SNX29: variants seen among roughly 807,000 people sequenced by gnomAD.
SNX29 encodes sorting nexin-29.
Under a neutral mutation model 102.1 loss-of-function variants are expected in SNX29, and 78 were observed. That is an observed-to-expected ratio of 0.76 (90% CI 0.64 to 0.92). The LOEUF is 0.92. Ranked by LOEUF, SNX29 falls within the 40% of genes least tolerant of loss-of-function variation. The pLI, the probability that SNX29 is intolerant of heterozygous loss-of-function variation, is 0.00. For synonymous variants in SNX29, 580 were observed against 414.5 expected (o/e 1.40, Z -4.85); for missense variants, 1,280 against 1,061.7 (o/e 1.21, Z -2.86).
chr16:12,295,958 T>C (rs901870554), intron 15 of SNX29, among the ~76,000 whole-genome samples: 4 of 152,244 alleles, frequency 2.6e-5, no homozygotes, highest in African/African-American at 7.2e-5. Flanking sequence ...AAACAGTTCT[T>C]CTCCTCAAAA....
At position 12,299,956 on chromosome 16, in the gene SNX29, C is replaced by T. The variant is rs139378930; in HGVS notation, c.1782+21920C>T. Among the ~76,000 whole-genome samples, 625 of 152,172 alleles carry T rather than the reference C, an allele frequency of 4.1e-3. 4 individuals are homozygous for T. Among genetic ancestry groups the T allele is most frequent in the African/African-American group, 0.014 (592 of 41,518 alleles). ...CGCAATCTTGGCTCACTGCAACCTC[C>T]ACCTCCCTGGTTCAAGCGATTCTCC... On this transcript the variant is annotated intron_variant, in intron 15 of 20. Transcript: ENST00000566228.
In SNX29 at chr16:12,127,576, C is replaced by A. The variant is rs550438035; in HGVS notation, c.1466+880C>A. ...GGCTGAGACTACAGGCGCATGCCAC[C>A]ATGCCCGGCTAATTTTGGTATTTTT... On this transcript the variant is annotated intron_variant, in intron 12 of 20. Coordinates refer to ENST00000566228, the MANE Select transcript of SNX29 (RefSeq NM_032167.5). Among the ~76,000 whole-genome samples, 9 of 152,188 alleles carry A rather than the reference C, an allele frequency of 5.9e-5. No individual in the cohort carries two copies. The East Asian group carries it at 1.8e-3, about 30-fold the overall frequency.
chr16:12,318,759 C>T lies in SNX29; in HGVS notation c.1783-37404C>T, dbSNP rs77333266. ...GAAGGCTTAGAAATTATCTGCAGAC[C>T]AACTCAAAATTACAAAGTTTCCCGG... On this transcript the variant is annotated intron_variant, in intron 15 of 20. Coordinates refer to ENST00000566228, the MANE Select transcript of SNX29 (RefSeq NM_032167.5). Among the ~76,000 whole-genome samples the T allele has an allele frequency of 4.2e-4, 64 of 151,994 alleles. 1 individual carries two copies. The East Asian group carries it at 0.012, about 29-fold the overall frequency.
chr16:12,492,046 G>C (rs2088576870), intron 19 of SNX29, among the ~76,000 whole-genome samples: 1 of 152,230 alleles, frequency 6.6e-6, no homozygotes, highest in South Asian at 2.1e-4. Context: ...TATATACCCA[G>C]TAATGGGATG....
At chr16:12,538,610 G>C (rs1432808050) in intron 20 of SNX29, among the ~76,000 whole-genome samples, 2 of 152,142 alleles carry the variant, frequency 1.3e-5, no homozygotes, top group East Asian at 3.9e-4. Flanking sequence ...GTGGATGCAG[G>C]AGGGCCTTGA....
intron 11 of SNX29, 37 bp from the exon 12 acceptor site, chr16:12,126,596 C>T: frequency 6.2e-7 from 1 of 1,609,290 alleles, no homozygotes; most frequent in East Asian, 2.2e-5. Flanking sequence ...ACAGGCAAGA[C>T]CTGCCAATTA....
chr16:11,986,866 A>C (rs371008817), intron 1 of SNX29, among the ~76,000 whole-genome samples: 1 of 152,204 alleles, frequency 6.6e-6, no homozygotes, highest in Non-Finnish European at 1.5e-5. Flanking sequence ...CTGTGTTCCA[A>C]TAAAACTTTA....
intron 4 of SNX29, among the ~76,000 whole-genome samples, chr16:12,036,429 G>C (rs1211747073): frequency 6.7e-6 from 1 of 150,248 alleles, no homozygotes; most frequent in Non-Finnish European, 1.5e-5. Context: ...CCGCCTCCCG[G>C]ATTCACGCCA....
intron 19 of SNX29, among the ~76,000 whole-genome samples, chr16:12,509,822 C>G (rs1455253441): frequency 1.3e-5 from 2 of 152,224 alleles, no homozygotes; most frequent in Non-Finnish European, 2.9e-5. Context: ...ATGCCGTTCC[C>G]AGCTCCTGGC....
In SNX29 at chr16:12,286,610, G is replaced by A. The variant is rs147127349; in HGVS notation, c.1782+8574G>A. ...TCCACCCGCCTTGGCCTCCCAAAGTGCTGGGATTACAGGTGTGAGCCACTG... is the reference window on the plus strand; with the variant it reads ...TCCACCCGCCTTGGCCTCCCAAAGTACTGGGATTACAGGTGTGAGCCACTG... On this transcript the variant is annotated intron_variant, in intron 15 of 20. Transcript: ENST00000566228. 2.6e-3 allele frequency among the ~76,000 whole-genome samples: 401 copies of A among 152,256 alleles called. 2 individuals are homozygous for A. The highest frequency in any genetic ancestry group is 8.8e-3 in the African/African-American group (367 of 41,560).
chr16:12,242,506 T>C (rs970883256), intron 14 of SNX29, among the ~76,000 whole-genome samples: 18 of 151,682 alleles, frequency 1.2e-4, no homozygotes, highest in Admixed American at 9.2e-4. Flanking sequence ...ATTAGTCGGC[T>C]AAGTTTCCTA....
intron 19 of SNX29, among the ~76,000 whole-genome samples, chr16:12,496,609 C>T (rs1333951591): frequency 6.7e-6 from 1 of 148,958 alleles, no homozygotes; most frequent in Non-Finnish European, 1.5e-5. Flanking sequence ...CTCCTGGGTT[C>T]AAACAGTTCT....
At chr16:12,325,033 A>C (rs530673389) in intron 15 of SNX29, among the ~76,000 whole-genome samples, 12 of 152,302 alleles carry the variant, frequency 7.9e-5, no homozygotes, top group African/African-American at 2.6e-4. Context: ...AATCTTGTAG[A>C]ACGACAGCCT....
intron 9 of SNX29, among the ~76,000 whole-genome samples, chr16:12,064,208 C>A (rs912795746): frequency 1.3e-5 from 2 of 152,070 alleles, no homozygotes; most frequent in African/African-American, 4.8e-5. Flanking sequence ...CATCAGACAT[C>A]CGGGTCAGCT....
chr16:12,218,998 T>G (rs1302170816), intron 14 of SNX29, among the ~76,000 whole-genome samples: 1 of 152,118 alleles, frequency 6.6e-6, no homozygotes, highest in East Asian at 1.9e-4. Context: ...TTGGTCTCGA[T>G]CTCCTGACCT....
intron 14 of SNX29, among the ~76,000 whole-genome samples, chr16:12,211,132 C>G (rs1239925487): frequency 6.6e-6 from 1 of 152,114 alleles, no homozygotes; most frequent in Non-Finnish European, 1.5e-5. Context: ...AGTACAAGGT[C>G]AGGGCACCGT....
At position 12,267,172 on chromosome 16, in the gene SNX29, G is replaced by A. The variant is rs115251562; in HGVS notation, c.1679-10761G>A. 7.4e-3 allele frequency among the ~76,000 whole-genome samples: 1,131 copies of A among 152,178 alleles called. 13 individuals carry two copies. Among genetic ancestry groups the A allele is most frequent in the African/African-American group, 0.026 (1,078 of 41,514 alleles). Reference sequence around the variant, plus strand: ...TAGGTTCGTATAATGTGTTTTTAAAGCATTTGGAAAGGTTAAAATTTATAG... The same window carrying A: ...TAGGTTCGTATAATGTGTTTTTAAAACATTTGGAAAGGTTAAAATTTATAG... On this transcript the variant is annotated intron_variant, in intron 14 of 20. Coordinates refer to ENST00000566228, the MANE Select transcript of SNX29 (RefSeq NM_032167.5).
intron 14 of SNX29, among the ~76,000 whole-genome samples, chr16:12,257,686 T>TA (rs1187610037): frequency 1.7e-5 from 2 of 115,202 alleles, no homozygotes; most frequent in Non-Finnish European, 3.5e-5. Context: ...CCGGCTTATT[T>TA]AAAATTTTTT....
intron 15 of SNX29, among the ~76,000 whole-genome samples, chr16:12,324,798 A>G (rs949671173): frequency 4.6e-5 from 7 of 152,196 alleles, no homozygotes; most frequent in African/African-American, 9.6e-5. Context: ...CAATCCATCT[A>G]TCTGGGAGGT....
Sources: gnomAD v4.1 joint callset for allele counts (sites outside exome capture counted in the v4.1 genomes callset) on GRCh38, gnomAD v4.1.1 for gene constraint, MANE v1.5 for transcripts, NCBI Gene and HGNC (gene_info 2026-07-23, HGNC 2026-07-21) for gene names.